PCDHGB2: variants seen among roughly 807,000 people sequenced by gnomAD.
PCDHGB2 encodes protocadherin gamma subfamily B, 2, also known as protocadherin gamma-B2.
In PCDHGB2, 55 loss-of-function variants were observed where a neutral mutation model predicts 59.3. The ratio of observed to expected loss-of-function variants is 0.93; its 90% CI spans 0.75 to 1.16. The LOEUF is 1.16. Among genes scored for constraint, PCDHGB2 ranks in the 50% most tolerant of loss-of-function variants. The pLI is 0.00. For missense variants in PCDHGB2, 1,228 were observed against 1,198.5 expected, an observed-to-expected ratio of 1.02 and a Z score of -0.36; for synonymous variants, 516 against 512.0, an observed-to-expected ratio of 1.01 and a Z score of -0.11.
At chr5:141,478,563 C>G (rs1484075735) in intron 1 of PCDHGB2, 16 of 1,596,154 alleles carry the variant, frequency 1.0e-5, no homozygotes, top group African/African-American at 1.3e-5. Context: ...TTTAGCAAGT[C>G]ATGCTTGACC....
intron 1 of PCDHGB2, among the ~76,000 whole-genome samples, chr5:141,406,837 CA>C (rs1174898109): frequency 6.6e-6 from 1 of 152,170 alleles, no homozygotes; most frequent in Non-Finnish European, 1.5e-5. Flanking sequence ...ACTTGCATAT[CA>C]GATATAATTT....
intron 1 of PCDHGB2, chr5:141,389,471 A>G: frequency 6.2e-7 from 1 of 1,613,210 alleles, no homozygotes; most frequent in Non-Finnish European, 8.5e-7. Flanking sequence ...TCGAACTCAC[A>G]CTGCAGGCCC....
rs900884760 is a variant in PCDHGB2, at chr5:141,414,031, C to T, written c.2421+51475C>T. ...CAATGGAGAAGTGACATATTCATTC[C>T]GAAAATTACCTGACACGCAATTGTT... On this transcript the variant is annotated intron_variant, in intron 1 of 3. Coordinates refer to ENST00000522605, the MANE Select transcript of PCDHGB2 (RefSeq NM_018923.3). 4 of 1,611,858 alleles carry T rather than the reference C, an allele frequency of 2.5e-6. No homozygotes were observed. The Admixed American group carries it at 6.7e-5, about 27-fold the overall frequency.
At chr5:141,399,415 T>C in intron 1 of PCDHGB2, 1 of 1,613,974 alleles carries the variant, frequency 6.2e-7, no homozygotes, top group Non-Finnish European at 8.5e-7. Context: ...GCCCCTCTCC[T>C]CCAGCATAAG....
intron 1 of PCDHGB2, chr5:141,415,094 A>T: frequency 1.9e-6 from 3 of 1,613,530 alleles, no homozygotes; most frequent in Non-Finnish European, 2.5e-6. Flanking sequence ...CTGGACAGAG[A>T]CGCGCTCAAG....
At chr5:141,388,492 A>G (rs2091380241) in intron 1 of PCDHGB2, 7 of 1,613,742 alleles carry the variant, frequency 4.3e-6, no homozygotes, top group South Asian at 1.1e-5. Flanking sequence ...TTGGACAGAG[A>G]AAAGCAGAAA....
chr5:141,395,445 T>C (rs1257175969), intron 1 of PCDHGB2: 1 of 655,916 alleles, frequency 1.5e-6, no homozygotes, highest in East Asian at 2.9e-5. Context: ...TTGGAAAAGA[T>C]TGTTCAACCA....
chr5:141,369,864 C>G lies in PCDHGB2; in HGVS notation c.2421+7308C>G, dbSNP rs184751996. Reference sequence around the variant, plus strand: ...GTATTATTTTATTTGGCCCTCATTTCTACTAGAGTAAGCAGAGAAGATATT... The same window carrying G: ...GTATTATTTTATTTGGCCCTCATTTGTACTAGAGTAAGCAGAGAAGATATT... On this transcript the variant is annotated intron_variant, in intron 1 of 3. Transcript: ENST00000522605. Among the ~76,000 whole-genome samples, 368 of 152,244 alleles carry G rather than the reference C, an allele frequency of 2.4e-3. 5 individuals carry two copies. Among genetic ancestry groups the G allele is most frequent in the African/African-American group, 8.5e-3 (353 of 41,550 alleles).
intron 1 of PCDHGB2, chr5:141,405,552 G>A (rs2094685427): frequency 1.6e-6 from 1 of 623,718 alleles, no homozygotes. Context: ...CCCAAGTAGA[G>A]TAGCTGGGAC....
At chr5:141,376,499 C>G (rs1320027285) in intron 1 of PCDHGB2, 3 of 1,614,146 alleles carry the variant, frequency 1.9e-6, no homozygotes, top group Admixed American at 1.7e-5. Flanking sequence ...AGAACCCAGG[C>G]AACTTCAGGT....
At chr5:141,408,036 A>C in intron 1 of PCDHGB2, 1 of 1,132,834 alleles carries the variant, frequency 8.8e-7, no homozygotes, top group Non-Finnish European at 1.2e-6. Flanking sequence ...GAAGAAAACC[A>C]GCTCCCACAC....
intron 1 of PCDHGB2, chr5:141,383,307 A>G (rs1207101754): frequency 3.1e-6 from 5 of 1,613,874 alleles, no homozygotes; most frequent in Non-Finnish European, 4.2e-6. Flanking sequence ...TCTTGACGGA[A>G]GAAATAAATG....
At chr5:141,412,906 T>G in intron 1 of PCDHGB2, 1 of 384,208 alleles carries the variant, frequency 2.6e-6, no homozygotes, top group Non-Finnish European at 4.6e-6. Context: ...TTCCATTGCA[T>G]GTATCACTTG....
chr5:141,432,992 G>A lies in PCDHGB2; in HGVS notation c.2422-61815G>A, dbSNP rs777975384. On this transcript the variant is annotated intron_variant, in intron 1 of 3. Coordinates refer to ENST00000522605, the MANE Select transcript of PCDHGB2 (RefSeq NM_018923.3). The surrounding 1 kb of genome is among the most constrained non-coding windows in gnomAD (Gnocchi z 6.0). The stretch of plus-strand genomic sequence containing the variant: ...GGCGTCGCACTTTGTGGGCGTGGAC[G>A]GGGTGCAGGCTTTCCTGCAGACCTA... 1.9e-6 allele frequency: 3 copies of A among 1,614,174 alleles called. No homozygotes were observed. In the Admixed American group the frequency reaches 5.0e-5, roughly 27 times the overall value.
At chr5:141,395,375 G>A (rs761076022) in intron 1 of PCDHGB2, 34 of 1,180,184 alleles carry the variant, frequency 2.9e-5, no homozygotes, top group Non-Finnish European at 3.3e-5. Flanking sequence ...TTTTGGTGGT[G>A]TTACTATAAA....
At chr5:141,454,311 T>G (rs755771201) in intron 1 of PCDHGB2, among the ~76,000 whole-genome samples, 6 of 152,216 alleles carry the variant, frequency 3.9e-5, no homozygotes, top group Admixed American at 2.6e-4. Context: ...TTTCAAAGCA[T>G]TGAAACCTCC....
In PCDHGB2 at chr5:141,490,378, G is replaced by A; in HGVS notation, c.2422-4429G>A. On this transcript the variant is annotated intron_variant, in intron 1 of 3. Transcript: ENST00000522605. The surrounding 1 kb of genome is among the most constrained non-coding windows in gnomAD (Gnocchi z 5.4). The stretch of plus-strand genomic sequence containing the variant: ...GTTTAATGTGCGAGACCGGGACTCA[G>A]GTAGAAATGGTGAAGTGAGCCTTGA... 1 of 1,614,214 alleles carries A rather than the reference G, an allele frequency of 6.2e-7. No homozygotes were observed. The highest frequency in any genetic ancestry group is 1.1e-5 in the South Asian group (1 of 91,086).
chr5:141,398,203 T>C (rs1365410987), intron 1 of PCDHGB2: 2 of 1,489,610 alleles, frequency 1.3e-6, no homozygotes. Flanking sequence ...GTCTTTGTTC[T>C]GCCCGGCGCT....
In PCDHGB2 at chr5:141,485,578, G is replaced by A; in HGVS notation, c.2422-9229G>A. ...ATGATCACGCCCCCCGTTTTCCGCG[G>A]CAGCAGCTGGACTTGGAAATTGGGG... is the stretch of plus-strand genomic sequence containing the variant. On this transcript the variant is annotated intron_variant, in intron 1 of 3. Transcript: ENST00000522605. This position sits in a 1 kb window ranked among gnomAD's most constrained non-coding sequence, Gnocchi z 5.7. 6.2e-7 allele frequency: 1 copy of A among 1,612,362 alleles called. No homozygotes were observed. Among genetic ancestry groups the A allele is most frequent in the Non-Finnish European group, 8.5e-7 (1 of 1,178,688 alleles).
Sources: allele counts gnomAD v4.1 joint callset (sites outside exome capture counted in the v4.1 genomes callset), GRCh38; gene constraint gnomAD v4.1.1; non-coding constraint Gnocchi (gnomAD v3.1); transcripts MANE v1.5; gene names NCBI Gene and HGNC (gene_info 2026-07-23, HGNC 2026-07-21).